The following TTC23 variants were observed in gnomAD, a reference collection of about 807,000 sequenced individuals.
The protein encoded by TTC23 is tetratricopeptide repeat domain 23.
In TTC23, 58 loss-of-function variants were observed where a neutral mutation model predicts 55.1. That is an observed-to-expected ratio of 1.05 (90% CI 0.85 to 1.31). The LOEUF (loss-of-function observed/expected upper bound fraction) is 1.31, where lower values mean the gene tolerates loss of function less well. Among genes scored for constraint, TTC23 ranks in the 50% most tolerant of loss-of-function variants. The pLI is 0.00. For synonymous variants in TTC23, 203 were observed against 199.9 expected (o/e 1.02, Z -0.13); for missense variants, 516 against 534.4 (o/e 0.97, Z 0.34).
At chr15:99,174,050 A>T (rs940019051) in intron 10 of TTC23, among the ~76,000 whole-genome samples, 1 of 152,236 alleles carries the variant, frequency 6.6e-6, no homozygotes, top group Non-Finnish European at 1.5e-5. Context: ...GGGACAAGAA[A>T]GGTCACCTGT....
rs1002450743 is a variant in TTC23 at position 99,248,723 on chromosome 15, C to A, written c.-431+448G>T. ...GGGCTGGATTTTATTACTTTATATT[C>A]CCCTATATGGATTAACACAGGCAAC... On this transcript the variant is annotated intron_variant, in intron 1 of 13. Coordinates refer to ENST00000394132, the MANE Select transcript of TTC23 (RefSeq NM_001288615.3). 2.6e-5 allele frequency among the ~76,000 whole-genome samples: 4 copies of A among 152,150 alleles called. No individual in the cohort carries two copies. The South Asian group carries it at 8.3e-4, about 32-fold the overall frequency.
chr15:99,162,147 C>G (rs2151898191), intron 10 of TTC23, among the ~76,000 whole-genome samples: 1 of 152,320 alleles, frequency 6.6e-6, no homozygotes, highest in East Asian at 1.9e-4. Context: ...TGCCCCACAT[C>G]TGAACACACT....
chr15:99,167,064 G>A (rs2072210599), intron 10 of TTC23, among the ~76,000 whole-genome samples: 2 of 152,200 alleles, frequency 1.3e-5, no homozygotes, highest in South Asian at 4.2e-4. Context: ...AGCCTTTGAC[G>A]GGAGGGCAAA....
chr15:99,138,229 A>G, intron 13 of TTC23, 102 bp from the exon 14 acceptor site: 2 of 1,441,892 alleles, frequency 1.4e-6, no homozygotes, highest in African/African-American at 1.4e-5. Flanking sequence ...CCCATTTATG[A>G]GAAGACTTGG....
intron 4 of TTC23, among the ~76,000 whole-genome samples, chr15:99,231,567 A>G (rs535921130): frequency 6.6e-6 from 1 of 151,512 alleles, no homozygotes; most frequent in Non-Finnish European, 1.5e-5. Context: ...ATCTCGGCTC[A>G]CTGCAAGCTC....
intron 4 of TTC23, among the ~76,000 whole-genome samples, chr15:99,231,101 G>A (rs1254021463): frequency 6.6e-6 from 1 of 151,744 alleles, no homozygotes; most frequent in Non-Finnish European, 1.5e-5. Flanking sequence ...ATTGACTCAT[G>A]TGTTGGTGGT....
At chr15:99,248,754 A>ACTT (rs2080478700) in intron 1 of TTC23, among the ~76,000 whole-genome samples, 1 of 152,234 alleles carries the variant, frequency 6.6e-6, no homozygotes, top group Non-Finnish European at 1.5e-5. Context: ...GCAACTTAAG[A>ACTT]AATAGTCATG....
At chr15:99,170,426 C>T (rs139727001) in intron 10 of TTC23, among the ~76,000 whole-genome samples, 2,855 of 152,270 alleles carry the variant, frequency 0.019, 80 homozygotes, top group Non-Finnish European at 0.022. Flanking sequence ...CCAAAACCAA[C>T]TCCCCAAAAG....
Position 99,195,148 on chromosome 15 carries a change from C to T in TTC23, c.759+4771G>A, listed in dbSNP as rs1479639707. ...TTGTCAAGAGAATTAAAAGAAAAGC[C>T]GCAGACTGGGAGAAAATCTTACAAA... On this transcript the variant is annotated intron_variant, in intron 9 of 13. Transcript: ENST00000394132. Among the ~76,000 whole-genome samples the T allele has an allele frequency of 3.3e-5, 5 of 152,112 alleles. No individual in the cohort carries two copies. The South Asian group carries it at 8.3e-4, about 25-fold the overall frequency.
At chr15:99,233,703 C>T (rs1031764408) in intron 4 of TTC23, among the ~76,000 whole-genome samples, 5 of 152,276 alleles carry the variant, frequency 3.3e-5, no homozygotes, top group Middle Eastern at 3.4e-3. Flanking sequence ...GGTTCACTCT[C>T]AATACTTCTA....
chr15:99,215,348 G>A (rs973845625), intron 8 of TTC23, among the ~76,000 whole-genome samples: 1 of 152,062 alleles, frequency 6.6e-6, no homozygotes, highest in Non-Finnish European at 1.5e-5. Flanking sequence ...ACGCTCAAAG[G>A]TCCTTGCATT....
chr15:99,178,648 T>C (rs2073835198), intron 9 of TTC23, among the ~76,000 whole-genome samples: 7 of 152,238 alleles, frequency 4.6e-5, no homozygotes, highest in Admixed American at 4.6e-4. Context: ...TTACAGACAC[T>C]GCCCCTCACT....
chr15:99,234,440 G>A (rs963620876), intron 4 of TTC23, among the ~76,000 whole-genome samples: 15 of 152,162 alleles, frequency 9.9e-5, no homozygotes, highest in Admixed American at 7.2e-4. Flanking sequence ...GCGTGATCTC[G>A]GCTCCCTGCA....
chr15:99,182,240 TCTCTCTCTCACACA>T (rs1466909611), intron 9 of TTC23, among the ~76,000 whole-genome samples: 90 of 113,124 alleles, frequency 8.0e-4, no homozygotes, highest in Admixed American at 3.8e-3. Flanking sequence ...TCTCTCTCTC[TCTCTCTCTCACACA>T]CACACACACA....
rs367845949 is a variant in TTC23 at position 99,172,749 on chromosome 15, C to T, written c.865+2301G>A. 3.7e-4 allele frequency among the ~76,000 whole-genome samples: 57 copies of T among 152,238 alleles called. No homozygotes were observed. In the South Asian group the frequency reaches 0.011, roughly 30 times the overall value. On this transcript the variant is annotated intron_variant, in intron 10 of 13. Coordinates refer to ENST00000394132, the MANE Select transcript of TTC23 (RefSeq NM_001288615.3). ...CCATTGCTGGTATGCCATATATAAGCGGTAGCTATTAATATTATAACTGTG... is the reference window on the plus strand; with the variant it reads ...CCATTGCTGGTATGCCATATATAAGTGGTAGCTATTAATATTATAACTGTG...
intron 11 of TTC23, among the ~76,000 whole-genome samples, chr15:99,161,314 G>A (rs964317731): frequency 7.2e-5 from 11 of 152,124 alleles, no homozygotes; most frequent in Admixed American, 5.9e-4. Context: ...CATAAGCCAC[G>A]TAAATCACGC....
chr15:99,197,687 C>T (rs1336092198), intron 9 of TTC23, among the ~76,000 whole-genome samples: 5 of 151,902 alleles, frequency 3.3e-5, no homozygotes, highest in Admixed American at 1.3e-4. Context: ...GGGCAGATCA[C>T]TTGAGGTCAG....
chr15:99,229,567 C>T (rs1216510760), intron 4 of TTC23, among the ~76,000 whole-genome samples: 1 of 152,154 alleles, frequency 6.6e-6, no homozygotes, highest in Non-Finnish European at 1.5e-5. Context: ...GTGACTAGAA[C>T]TGACAGGACA....
chr15:99,243,885 A>G (rs2080016366), intron 2 of TTC23, among the ~76,000 whole-genome samples: 1 of 152,200 alleles, frequency 6.6e-6, no homozygotes, highest in African/African-American at 2.4e-5. Flanking sequence ...GTAGTTAGAT[A>G]GAATGAATAA....
Sources: allele counts gnomAD v4.1 joint callset (sites outside exome capture counted in the v4.1 genomes callset), GRCh38; gene constraint gnomAD v4.1.1; transcripts MANE v1.5; gene names NCBI Gene and HGNC (gene_info 2026-07-23, HGNC 2026-07-21).